The following LMF1 variants were observed in gnomAD, a reference collection of about 807,000 sequenced individuals.
LMF1 encodes the protein lipase maturation factor 1.
In LMF1, 68 loss-of-function variants were observed where a neutral mutation model predicts 60.6. The observed-to-expected ratio is 1.12, with a 90% CI of 0.92 to 1.37. The LOEUF (loss-of-function observed/expected upper bound fraction) is 1.37, where lower values mean the gene tolerates loss of function less well. LMF1 is among the 40% of genes most tolerant of loss of function. LMF1 has a pLI of 0.00. For synonymous variants in LMF1, 418 were observed against 324.7 expected, an observed-to-expected ratio of 1.29 and a Z score of -3.09; for missense variants, 948 against 767.2, an observed-to-expected ratio of 1.24 and a Z score of -2.78.
At chr16:928,199 G>C (rs961025094) in intron 3 of LMF1, among the ~76,000 whole-genome samples, 1 of 152,174 alleles carries the variant, frequency 6.6e-6, no homozygotes, top group Admixed American at 6.5e-5. Context: ...TACGTGGATG[G>C]GCCCCCCCAG....
chr16:869,214 A>C (rs1596857974), intron 9 of LMF1, 158 bp from the exon 10 acceptor site: 1 of 676,154 alleles, frequency 1.5e-6, no homozygotes, highest in African/African-American at 1.8e-5. Flanking sequence ...GGTCCCCTTA[A>C]GGGGCTGCCT....
At position 955,033 on chromosome 16, in the gene LMF1, A is replaced by C. The variant is rs9939311; in HGVS notation, c.194-367T>G. Among the ~76,000 whole-genome samples, 432 of 56,492 alleles carry C rather than the reference A, an allele frequency of 7.6e-3. 2 individuals carry two copies. Among genetic ancestry groups the C allele is most frequent in the South Asian group, 0.022 (27 of 1,220 alleles). The allele number at this position is 56,492 out of a possible 152,430, so 37.1% of individuals were successfully genotyped here. On this transcript the variant is annotated intron_variant, in intron 1 of 10. Transcript: ENST00000262301. ...CCTGCAGCAGATGCGGTGTGTGCAT[A>C]CACACACACACATCTAAGTAAACTA...
chr16:877,480 G>A (rs1284785121), intron 6 of LMF1, among the ~76,000 whole-genome samples: 2 of 152,212 alleles, frequency 1.3e-5, no homozygotes, highest in Non-Finnish European at 2.9e-5. Flanking sequence ...AGGCTCAGAT[G>A]TTCTGGGAAT....
chr16:920,077 G>C (rs1322772997), intron 3 of LMF1, among the ~76,000 whole-genome samples: 1 of 151,496 alleles, frequency 6.6e-6, no homozygotes, highest in Non-Finnish European at 1.5e-5. Context: ...ATCCACAATG[G>C]CCCCAGCCTG....
chr16:969,716 C>T (rs865999309), intron 1 of LMF1, among the ~76,000 whole-genome samples: 1 of 152,366 alleles, frequency 6.6e-6, no homozygotes, highest in African/African-American at 2.4e-5. Context: ...ACTGCCCACG[C>T]GCCCCGCTGG....
Position 970,825 on chromosome 16 carries a change from G to T in LMF1, c.156C>A (p.Thr52=). The change falls in exon 1 of 11, where the codon ACC becomes ACA. Residue 52 remains threonine (T), a synonymous_variant. Coordinates refer to ENST00000262301, the MANE Select transcript of LMF1 (RefSeq NM_022773.4). ...CTAGGGCCTTCAGGAGCACGATCCG[G>T]GTCAGCCAGAAGGTGCCCGTGTGGA... ...AHLHTGTFWL[T]RIVLLKALAF... The T allele has an allele frequency of 1.9e-6, 3 of 1,546,556 alleles. No individual in the cohort carries two copies. The highest frequency in any genetic ancestry group is 2.6e-6 in the Non-Finnish European group (3 of 1,146,280).
At chr16:951,210 ATGACAGAGTCAGC>A (rs1345456308) in intron 2 of LMF1, among the ~76,000 whole-genome samples, 15 of 149,966 alleles carry the variant, frequency 1.0e-4, no homozygotes, top group African/African-American at 3.3e-4. Context: ...GAGTCAGCCA[ATGACAGAGTCAGC>A]TGACAGAGTC....
intron 10 of LMF1, among the ~76,000 whole-genome samples, chr16:860,684 C>T (rs111554080): frequency 1.3e-5 from 2 of 152,006 alleles, no homozygotes; most frequent in East Asian, 3.8e-4. Flanking sequence ...GTCCAGGATC[C>T]GTTTTGAGTT....
At chr16:928,909 C>A (rs111283988) in intron 3 of LMF1, among the ~76,000 whole-genome samples, 33 of 152,332 alleles carry the variant, frequency 2.2e-4, no homozygotes, top group African/African-American at 6.5e-4. Flanking sequence ...ACTCCAAAGG[C>A]CTTGGGAACC....
intron 1 of LMF1, among the ~76,000 whole-genome samples, 188 bp downstream of exon 1, chr16:970,600 C>T (rs1243014745): frequency 6.6e-6 from 1 of 152,042 alleles, no homozygotes; most frequent in African/African-American, 2.4e-5. Context: ...GGGGTAGGGC[C>T]GGGTGCGCTG....
intron 2 of LMF1, among the ~76,000 whole-genome samples, chr16:944,926 A>AG (rs398119156): frequency 1.3e-5 from 2 of 151,704 alleles, no homozygotes; most frequent in African/African-American, 4.8e-5. Flanking sequence ...GTTAAAAAAA[A>AG]TAGGGGGCTG....
intron 2 of LMF1, among the ~76,000 whole-genome samples, chr16:951,504 T>C (rs2072467377): frequency 6.6e-6 from 1 of 152,254 alleles, no homozygotes; most frequent in Non-Finnish European, 1.5e-5. Flanking sequence ...GTCAGAGTCC[T>C]CTCTAAAATC....
chr16:906,639 T>C (rs556450643), intron 4 of LMF1, among the ~76,000 whole-genome samples: 9 of 152,298 alleles, frequency 5.9e-5, no homozygotes, highest in Admixed American at 2.0e-4. Context: ...TATATATTTC[T>C]CCTGTTAGTT....
intron 3 of LMF1, among the ~76,000 whole-genome samples, chr16:912,317 C>G (rs1304160680): frequency 6.6e-6 from 1 of 152,084 alleles, no homozygotes; most frequent in African/African-American, 2.4e-5. Flanking sequence ...CTACCTGCCA[C>G]AGAGAGGACG....
At chr16:886,305 C>G (rs950345255) in intron 5 of LMF1, among the ~76,000 whole-genome samples, 1 of 152,162 alleles carries the variant, frequency 6.6e-6, no homozygotes, top group Non-Finnish European at 1.5e-5. Flanking sequence ...CACTGCTGAC[C>G]TTGAGGCGCC....
intron 4 of LMF1, chr16:901,382 C>T (rs1051423753): frequency 1.3e-5 from 2 of 152,280 alleles, no homozygotes; most frequent in African/African-American, 4.8e-5. Flanking sequence ...TGGGGCTCCA[C>T]CTACAGGGAT....
intron 5 of LMF1, among the ~76,000 whole-genome samples, chr16:889,366 A>AGGCTGCGGATGGCCG (rs1567188690): frequency 6.9e-6 from 1 of 145,864 alleles, no homozygotes; most frequent in African/African-American, 2.6e-5. Flanking sequence ...GCGGATGGCC[A>AGGCTGCGGATGGCCG]TGGGTGTGAG....
intron 5 of LMF1, among the ~76,000 whole-genome samples, chr16:880,607 C>T (rs1389286301): frequency 6.6e-6 from 1 of 152,240 alleles, no homozygotes; most frequent in African/African-American, 2.4e-5. Context: ...GAGGTAGAGG[C>T]TGCAGTGAGC....
chr16:974,265 C>T (rs2073094730), upstream of LMF1, among the ~76,000 whole-genome samples: 2 of 152,298 alleles, frequency 1.3e-5, no homozygotes, highest in South Asian at 2.1e-4. Context: ...CTGCAGCGGC[C>T]GGGAGATCGG....
Sources: gnomAD v4.1 joint callset for allele counts (sites outside exome capture counted in the v4.1 genomes callset) on GRCh38, gnomAD v4.1.1 for gene constraint, MANE v1.5 for transcripts, NCBI Gene and HGNC (gene_info 2026-07-23, HGNC 2026-07-21) for gene names.